Variants in FAT3 observed in about 807,000 individuals in gnomAD.
The protein encoded by FAT3 is protocadherin Fat 3.
FAT3 carries 95 observed loss-of-function variants against 310.2 expected under a neutral mutation model. The observed-to-expected ratio is 0.31, with a 90% CI of 0.26 to 0.36. The LOEUF is 0.36. Among genes scored for constraint, FAT3 ranks in the 10% least tolerant of loss-of-function variants. The pLI is 1.00. For missense variants in FAT3, 5,408 were observed against 5,715.6 expected, an observed-to-expected ratio of 0.95 and a Z score of 1.74; for synonymous variants, 2,314 against 2,192.9, an observed-to-expected ratio of 1.06 and a Z score of -1.54.
chr11:92,302,416 CT>C (rs1371083809), intron 1 of FAT3, among the ~76,000 whole-genome samples: 2 of 151,764 alleles, frequency 1.3e-5, no homozygotes, highest in African/African-American at 2.4e-5. Context: ...TCTACCTTTC[CT>C]TTTTTTCTCA....
chr11:92,635,483 A>G (rs1364091939), intron 3 of FAT3, among the ~76,000 whole-genome samples: 2 of 152,188 alleles, frequency 1.3e-5, no homozygotes, highest in Non-Finnish European at 2.9e-5. Context: ...AATATCAGGA[A>G]TCACTGTCTG....
At chr11:92,227,513 C>T (rs1460538452) in intron 1 of FAT3, among the ~76,000 whole-genome samples, 1 of 152,170 alleles carries the variant, frequency 6.6e-6, no homozygotes, top group African/African-American at 2.4e-5. Flanking sequence ...GTGCCCACAT[C>T]TCAGTATCGA....
At position 92,798,109 on chromosome 11, in the gene FAT3, C is replaced by G; in HGVS notation, c.5096C>G (p.Ser1699Cys). 1 of 1,613,932 alleles carries G rather than the reference C, an allele frequency of 6.2e-7. No homozygotes were observed. The highest frequency in any genetic ancestry group is 2.2e-5 in the East Asian group (1 of 44,852). Residue 1699 changes from serine (S) to cysteine (C), a missense_variant, in exon 10 of 28, where the codon TCT becomes TGT. This residue lies in a region of FAT3 where 4,588 missense variants were observed against 4,809.8 expected (regional missense o/e 0.95). Coordinates refer to ENST00000525166, the MANE Select transcript of FAT3 (RefSeq NM_001367949.2). ...ATTCTAATCTCTGCCATCAGTCAAT[C>G]TACCCTCATTTATGAAGTCAAAGAT... The part of the protein sequence containing the change: ...SVILISAISQ[S>C]TLIYEVKDGD...
rs1236090008 is a variant in FAT3, at chr11:92,799,692, C to T, written c.6679C>T (p.Pro2227Ser). The T allele has an allele frequency of 6.2e-7, 1 of 1,613,188 alleles. No homozygotes were observed. Among genetic ancestry groups the T allele is most frequent in the African/African-American group, 1.3e-5 (1 of 74,876 alleles). The change falls in exon 10 of 28, where the codon CCT becomes TCT. Residue 2227 changes from proline to serine, a missense_variant. By Grantham distance (74) the Pro-to-Ser change is moderately conservative (BLOSUM62 -1). Coordinates refer to ENST00000525166, the MANE Select transcript of FAT3 (RefSeq NM_001367949.2). Reference protein sequence around the residue: ...GIIYIIIDGDPFKQFNIDFDT... With the variant: ...GIIYIIIDGDSFKQFNIDFDT... Reference sequence around the variant, plus strand: ...CATATATATCATTATCGATGGGGACCCTTTTAAACAGTTTAACATTGACTT... The same window carrying T: ...CATATATATCATTATCGATGGGGACTCTTTTAAACAGTTTAACATTGACTT...
At chr11:92,565,070 A>G (rs975900591) in intron 3 of FAT3, among the ~76,000 whole-genome samples, 5 of 143,400 alleles carry the variant, frequency 3.5e-5, no homozygotes, top group African/African-American at 1.2e-4. Context: ...GACACAATAA[A>G]CCCTTCAAAA....
chr11:92,785,678 C>T (rs909144377), intron 7 of FAT3, among the ~76,000 whole-genome samples: 2 of 151,942 alleles, frequency 1.3e-5, no homozygotes, highest in Non-Finnish European at 2.9e-5. Flanking sequence ...ACTAAATGTT[C>T]CCAGAAAAGT....
At chr11:92,508,992 T>C (rs1367050284) in intron 2 of FAT3, among the ~76,000 whole-genome samples, 15 of 152,174 alleles carry the variant, frequency 9.9e-5, no homozygotes, top group Admixed American at 9.8e-4. Context: ...TTATGCCTCA[T>C]GCAAAATCTT....
chr11:92,451,308 G>A (rs114578214), intron 2 of FAT3, among the ~76,000 whole-genome samples: 2,786 of 152,274 alleles, frequency 0.018, 87 homozygotes, highest in African/African-American at 0.063. Flanking sequence ...TGGAGCTAGG[G>A]AAGCCTCAGC....
At chr11:92,875,605 G>A (rs183978878) in intron 22 of FAT3, among the ~76,000 whole-genome samples, 52 of 152,164 alleles carry the variant, frequency 3.4e-4, no homozygotes, top group Non-Finnish European at 7.1e-4. Flanking sequence ...TGTAGCATTT[G>A]CTGATGACTG....
rs193025816 is a variant in FAT3, at chr11:92,868,808, G to T, written c.12127+1599G>T. 5.6e-4 allele frequency among the ~76,000 whole-genome samples: 85 copies of T among 152,270 alleles called. 1 individual carries two copies. The East Asian group carries it at 0.015, about 27-fold the overall frequency. ...ATTTTAATTTTTAAAAAAATTTCAT[G>T]AAATCCTTAAGCTAAGTATTCAGTG... On this transcript the variant is annotated intron_variant, in intron 22 of 27. Transcript: ENST00000525166.
At chr11:92,459,978 A>G (rs1285364105) in intron 2 of FAT3, among the ~76,000 whole-genome samples, 2 of 152,172 alleles carry the variant, frequency 1.3e-5, no homozygotes, top group Non-Finnish European at 2.9e-5. Context: ...AAATAAGAAA[A>G]AAGAAAATGT....
At chr11:92,484,405 A>G (rs1952316114) in intron 2 of FAT3, among the ~76,000 whole-genome samples, 1 of 152,180 alleles carries the variant, frequency 6.6e-6, no homozygotes, top group South Asian at 2.1e-4. Flanking sequence ...AACCTCTGGG[A>G]GATACTGCTT....
chr11:92,644,283 T>C (rs1161526573), intron 3 of FAT3, among the ~76,000 whole-genome samples: 1 of 152,250 alleles, frequency 6.6e-6, no homozygotes, highest in Non-Finnish European at 1.5e-5. Flanking sequence ...ATTATGTTCA[T>C]GAGTTGCAGG....
chr11:92,431,816 C>T lies in FAT3; in HGVS notation c.3292+76412C>T, dbSNP rs183101334. Among the ~76,000 whole-genome samples, 30 of 152,080 alleles carry T rather than the reference C, an allele frequency of 2.0e-4. No individual in the cohort carries two copies. The East Asian group carries it at 3.9e-3, about 20-fold the overall frequency. ...CAAAGATCAGATGGTTGTAGATATGCGGAATTATTTCTGAGGGCTCTATTC... is the reference window on the plus strand; with the variant it reads ...CAAAGATCAGATGGTTGTAGATATGTGGAATTATTTCTGAGGGCTCTATTC... On this transcript the variant is annotated intron_variant, in intron 2 of 27. Coordinates refer to ENST00000525166, the MANE Select transcript of FAT3 (RefSeq NM_001367949.2).
At chr11:92,741,381 G>C (rs1228162300) in intron 4 of FAT3, among the ~76,000 whole-genome samples, 1 of 152,132 alleles carries the variant, frequency 6.6e-6, no homozygotes, top group Non-Finnish European at 1.5e-5. Context: ...GACAGACAAA[G>C]TGGTTATAAT....
At chr11:92,259,954 C>T (rs747003737) in intron 1 of FAT3, among the ~76,000 whole-genome samples, 1 of 152,066 alleles carries the variant, frequency 6.6e-6, no homozygotes, top group Non-Finnish European at 1.5e-5. Flanking sequence ...TGAGTTTGCC[C>T]TCAAGTCTTT....
At chr11:92,874,853 G>A (rs1565669432) in intron 22 of FAT3, among the ~76,000 whole-genome samples, 1 of 152,036 alleles carries the variant, frequency 6.6e-6, no homozygotes, top group South Asian at 2.1e-4. Context: ...ATACGCTCTT[G>A]AACAAACAGC....
chr11:92,809,347 A>G (rs1197959516), intron 12 of FAT3, among the ~76,000 whole-genome samples: 2 of 152,186 alleles, frequency 1.3e-5, no homozygotes, highest in African/African-American at 2.4e-5. Context: ...TTCTGTTTTC[A>G]TTACCTGTTT....
At chr11:92,468,085 G>A (rs1471774156) in intron 2 of FAT3, among the ~76,000 whole-genome samples, 2 of 152,164 alleles carry the variant, frequency 1.3e-5, no homozygotes, top group Non-Finnish European at 1.5e-5. Context: ...TCACACCAGT[G>A]GGCTGAGTAC....
Sources: allele counts gnomAD v4.1 joint callset (sites outside exome capture counted in the v4.1 genomes callset), GRCh38; gene constraint gnomAD v4.1.1; regional missense constraint gnomAD v4.1.1; transcripts MANE v1.5; gene names NCBI Gene and HGNC (gene_info 2026-07-23, HGNC 2026-07-21).